LRBA: variants seen among roughly 807,000 people sequenced by gnomAD.
LRBA encodes the protein LPS responsive beige-like anchor protein.
LRBA carries 176 observed loss-of-function variants against 330.0 expected under a neutral mutation model. That is an observed-to-expected ratio of 0.53 (90% CI 0.47 to 0.60). LRBA has a LOEUF of 0.60. Ranked by LOEUF, LRBA falls within the 20% of genes least tolerant of loss-of-function variation. The pLI is 0.00. For synonymous variants in LRBA, 1,230 were observed against 1,193.0 expected, an observed-to-expected ratio of 1.03 and a Z score of -0.64; for missense variants, 3,259 against 3,444.8, an observed-to-expected ratio of 0.95 and a Z score of 1.35.
intron 36 of LRBA, among the ~76,000 whole-genome samples, chr4:150,690,565 C>T (rs1472044877): frequency 6.7e-6 from 1 of 149,942 alleles, no homozygotes; most frequent in African/African-American, 2.4e-5. Flanking sequence ...TAAGACTTCA[C>T]ACCCTTCCCA....
intron 16 of LRBA, among the ~76,000 whole-genome samples, chr4:150,895,733 G>A (rs577546926): frequency 1.2e-3 from 178 of 152,252 alleles, no homozygotes; most frequent in Non-Finnish European, 1.7e-3. Context: ...GAATAGTGCC[G>A]CAATAAACAT....
intron 47 of LRBA, among the ~76,000 whole-genome samples, chr4:150,366,219 C>T (rs759921366): frequency 3.3e-5 from 5 of 151,960 alleles, no homozygotes; most frequent in Admixed American, 2.6e-4. Context: ...CCTATGATAG[C>T]TGGTAAGACA....
chr4:150,916,021 T>A (rs1240554993), intron 7 of LRBA, among the ~76,000 whole-genome samples: 1 of 152,124 alleles, frequency 6.6e-6, no homozygotes, highest in Non-Finnish European at 1.5e-5. Flanking sequence ...CCAACTAGAT[T>A]CCATAATTGT....
chr4:150,313,895 A>C (rs545608493), intron 51 of LRBA, among the ~76,000 whole-genome samples: 10 of 150,784 alleles, frequency 6.6e-5, no homozygotes, highest in African/African-American at 2.4e-4. Context: ...TATTTTAAAT[A>C]ATTTTGTGCC....
intron 56 of LRBA, among the ~76,000 whole-genome samples, chr4:150,276,271 C>T (rs1219521480): frequency 6.6e-6 from 1 of 152,060 alleles, no homozygotes; most frequent in Non-Finnish European, 1.5e-5. Context: ...ACACCTTATA[C>T]AAAAATTAAC....
At chr4:150,487,133 T>C (rs952289456) in intron 42 of LRBA, among the ~76,000 whole-genome samples, 1 of 151,826 alleles carries the variant, frequency 6.6e-6, no homozygotes, top group East Asian at 1.9e-4. Flanking sequence ...ACTGTTTTCA[T>C]TTCAGTTAGA....
intron 36 of LRBA, among the ~76,000 whole-genome samples, chr4:150,702,463 A>G (rs1785209719): frequency 6.6e-6 from 1 of 152,212 alleles, no homozygotes; most frequent in Non-Finnish European, 1.5e-5. Context: ...ATAATTACAT[A>G]GGTGAGACTC....
At position 151,003,569 on chromosome 4, in the gene LRBA, G is replaced by A. The variant is rs932664788; in HGVS notation, c.216+10858C>T. On this transcript the variant is annotated intron_variant, in intron 2 of 56. Transcript: ENST00000651943. ...CATGGTACTGGCCTAAAAACAGAGC[G>A]CATAACCAGACTGGGCAACATAGTG... is the stretch of plus-strand genomic sequence containing the variant. 3.9e-5 allele frequency among the ~76,000 whole-genome samples: 6 copies of A among 152,046 alleles called. No homozygotes were observed. The East Asian group carries it at 7.7e-4, about 20-fold the overall frequency.
chr4:150,543,498 C>A (rs528727810), intron 40 of LRBA, among the ~76,000 whole-genome samples: 26 of 152,220 alleles, frequency 1.7e-4, no homozygotes, highest in Admixed American at 3.9e-4. Context: ...CAATCATGAT[C>A]TTTGGTTTTC....
intron 47 of LRBA, among the ~76,000 whole-genome samples, chr4:150,397,096 A>G (rs1744835464): frequency 1.3e-5 from 2 of 152,192 alleles, no homozygotes; most frequent in Non-Finnish European, 1.5e-5. Flanking sequence ...TTTTTATTAC[A>G]TTGAGATATC....
intron 40 of LRBA, among the ~76,000 whole-genome samples, chr4:150,538,690 G>C (rs377027890): frequency 6.6e-6 from 1 of 151,770 alleles, no homozygotes; most frequent in African/African-American, 2.4e-5. Context: ...CTGGCCAGGC[G>C]CACACCTGTA....
chr4:150,536,335 T>C (rs78211003), intron 40 of LRBA, among the ~76,000 whole-genome samples: 1,725 of 152,354 alleles, frequency 0.011, 14 homozygotes, highest in Non-Finnish European at 0.017. Flanking sequence ...GATAATATTG[T>C]TACTTTGGTC....
At chr4:151,010,235 T>C (rs538243002) in intron 2 of LRBA, among the ~76,000 whole-genome samples, 1 of 152,270 alleles carries the variant, frequency 6.6e-6, no homozygotes, top group South Asian at 2.1e-4. Context: ...TGGGAATCAC[T>C]ATTCTTGAAT....
chr4:150,965,735 G>T (rs147731676), intron 2 of LRBA, among the ~76,000 whole-genome samples: 1 of 151,500 alleles, frequency 6.6e-6, no homozygotes, highest in Non-Finnish European at 1.5e-5. Flanking sequence ...ATACAGATGG[G>T]GTTTCACCAA....
chr4:150,977,583 C>A (rs375395302), intron 2 of LRBA, among the ~76,000 whole-genome samples: 16 of 151,982 alleles, frequency 1.1e-4, no homozygotes, highest in African/African-American at 3.6e-4. Context: ...GTGTAAAGCA[C>A]CAAAAGGGCT....
chr4:150,405,768 A>T (rs1746112669), intron 47 of LRBA, among the ~76,000 whole-genome samples: 1 of 152,198 alleles, frequency 6.6e-6, no homozygotes, highest in Admixed American at 6.5e-5. Context: ...ATAATTTAAA[A>T]TGCAGACTGG....
At chr4:150,797,348 A>C (rs2126668406) in intron 34 of LRBA, among the ~76,000 whole-genome samples, 1 of 152,042 alleles carries the variant, frequency 6.6e-6, no homozygotes, top group Non-Finnish European at 1.5e-5. Context: ...TTTCCTATTA[A>C]AAAAGGCTAT....
At position 150,265,735 on chromosome 4, in the gene LRBA, T is replaced by C; in HGVS notation, c.8546A>G (p.Gln2849Arg). Residue 2849 changes from glutamine (Q) to arginine (R), a missense_variant, in exon 57 of 57, where the codon CAA becomes CGA. Gln to Arg is a conservative substitution (Grantham distance 43). Coordinates refer to ENST00000651943, the MANE Select transcript of LRBA (RefSeq NM_001364905.1). ...CAGCTGTCACCATCAGTAGCGGGTT[T>C]GGTATTCATGATGCCACCGGTTAAA... ...NDFNRWHHEY[Q>R]TRY 6.2e-7 allele frequency: 1 copy of C among 1,612,292 alleles called. No individual in the cohort carries two copies. The highest frequency in any genetic ancestry group is 8.5e-7 in the Non-Finnish European group (1 of 1,178,320).
intron 36 of LRBA, among the ~76,000 whole-genome samples, chr4:150,717,242 C>CTAT (rs1728322167): frequency 6.6e-6 from 1 of 151,944 alleles, no homozygotes; most frequent in African/African-American, 2.4e-5. Context: ...GTTAAGAATT[C>CTAT]AGAAAAACAA....
Sources: gnomAD v4.1 joint callset for allele counts (sites outside exome capture counted in the v4.1 genomes callset) on GRCh38, gnomAD v4.1.1 for gene constraint, MANE v1.5 for transcripts, NCBI Gene and HGNC (gene_info 2026-07-23, HGNC 2026-07-21) for gene names.